SLC35F3: variants seen among roughly 807,000 people sequenced by gnomAD.
The protein encoded by SLC35F3 is solute carrier family 35 member F3, also known as putative thiamine transporter SLC35F3.
In SLC35F3, 25 loss-of-function variants were observed where a neutral mutation model predicts 49.9. That is an observed-to-expected ratio of 0.50 (90% CI 0.37 to 0.70). SLC35F3 has a LOEUF of 0.70. SLC35F3 is among the 30% of genes least tolerant of loss of function. The pLI, the probability that SLC35F3 is intolerant of heterozygous loss-of-function variation, is 0.00. For synonymous variants in SLC35F3, 275 were observed against 265.4 expected (o/e 1.04, Z -0.35); for missense variants, 525 against 639.8 (o/e 0.82, Z 1.94).
chr1:233,923,417 TG>T (rs1186568919), intron 2 of SLC35F3, among the ~76,000 whole-genome samples: 1 of 152,206 alleles, frequency 6.6e-6, no homozygotes, highest in Non-Finnish European at 1.5e-5. Flanking sequence ...CAATTGTGAA[TG>T]GGAGTTCACT....
In SLC35F3 at chr1:234,186,738, G is replaced by C. The variant is rs543866637; in HGVS notation, c.284-44679G>C. 2.3e-4 allele frequency among the ~76,000 whole-genome samples: 35 copies of C among 152,264 alleles called. No homozygotes were observed. The East Asian group carries it at 6.7e-3, about 29-fold the overall frequency. On this transcript the variant is annotated intron_variant, in intron 2 of 7. Transcript: ENST00000366618. ...TGTAGGGACTCCGTAAAGTCAACATGCTGGACCAGGTATCCCATGTACATT... is the reference window on the plus strand; with the variant it reads ...TGTAGGGACTCCGTAAAGTCAACATCCTGGACCAGGTATCCCATGTACATT...
chr1:234,130,668 A>G (rs1275268569), intron 2 of SLC35F3, among the ~76,000 whole-genome samples: 1 of 149,932 alleles, frequency 6.7e-6, no homozygotes, highest in African/African-American at 2.5e-5. Flanking sequence ...AAGACCTCTC[A>G]GTACCAAGTG....
At chr1:234,310,332 C>T (rs1657315065) in intron 4 of SLC35F3, among the ~76,000 whole-genome samples, 1 of 152,216 alleles carries the variant, frequency 6.6e-6, no homozygotes, top group Admixed American at 6.5e-5. Flanking sequence ...GTCCTTCCCT[C>T]ATTGTCCTGG....
chr1:234,112,527 A>G (rs1024275357), intron 2 of SLC35F3, among the ~76,000 whole-genome samples: 1 of 148,776 alleles, frequency 6.7e-6, no homozygotes, highest in Non-Finnish European at 1.5e-5. Flanking sequence ...AATTTTACCC[A>G]ATCTTTTGTG....
chr1:233,908,536 CTTTTTTTTTTTTT>C (rs898041195), intron 2 of SLC35F3, among the ~76,000 whole-genome samples: 18 of 84,880 alleles, frequency 2.1e-4, no homozygotes, highest in Non-Finnish European at 2.7e-4. Context: ...GTAAAGGATT[CTTTTTTTTTTTTT>C]TTTTTTTTTT....
At chr1:234,314,120 G>A (rs1372839502) in intron 4 of SLC35F3, among the ~76,000 whole-genome samples, 1 of 152,186 alleles carries the variant, frequency 6.6e-6, no homozygotes, top group Non-Finnish European at 1.5e-5. Flanking sequence ...GGGACCCCCA[G>A]GAGAAGGCTG....
chr1:234,293,961 G>A (rs919507029), intron 3 of SLC35F3, among the ~76,000 whole-genome samples: 1 of 152,190 alleles, frequency 6.6e-6, no homozygotes, highest in African/African-American at 2.4e-5. Flanking sequence ...CTGTTCATTT[G>A]ATGCTGAATT....
At chr1:234,203,259 C>T (rs967234605) in intron 2 of SLC35F3, among the ~76,000 whole-genome samples, 1 of 152,158 alleles carries the variant, frequency 6.6e-6, no homozygotes, top group African/African-American at 2.4e-5. Flanking sequence ...AAGAGTTTTA[C>T]ATTTTAAAAA....
intron 2 of SLC35F3, among the ~76,000 whole-genome samples, chr1:234,085,826 C>T (rs939190939): frequency 2.5e-4 from 38 of 152,130 alleles, no homozygotes; most frequent in African/African-American, 8.5e-4. Context: ...CATTGTGATT[C>T]GGACTGCTCT....
chr1:234,266,862 T>A (rs1272551523), intron 3 of SLC35F3, among the ~76,000 whole-genome samples: 2 of 148,826 alleles, frequency 1.3e-5, no homozygotes, highest in Non-Finnish European at 3.0e-5. Flanking sequence ...AATGTCCATA[T>A]GAAGCACATG....
At chr1:234,303,121 C>G (rs540664465) in intron 3 of SLC35F3, among the ~76,000 whole-genome samples, 2 of 152,258 alleles carry the variant, frequency 1.3e-5, no homozygotes, top group East Asian at 3.9e-4. Context: ...ACCCCCAACA[C>G]AATAATATCC....
chr1:234,199,324 A>T (rs528996547), intron 2 of SLC35F3, among the ~76,000 whole-genome samples: 4,568 of 152,290 alleles, frequency 0.03, 232 homozygotes, highest in African/African-American at 0.1. Flanking sequence ...AAAGCCCAGA[A>T]GTAAACCCAA....
chr1:234,144,427 T>G (rs1665967704), intron 2 of SLC35F3, among the ~76,000 whole-genome samples: 1 of 152,170 alleles, frequency 6.6e-6, no homozygotes, highest in African/African-American at 2.4e-5. Context: ...GATGGAATGG[T>G]GGTTCCATTT....
At chr1:233,925,703 A>C (rs550306600) in intron 2 of SLC35F3, among the ~76,000 whole-genome samples, 20 of 152,322 alleles carry the variant, frequency 1.3e-4, no homozygotes, top group South Asian at 1.0e-3. Flanking sequence ...TTTGCTCATT[A>C]GTTGATGCAG....
At chr1:234,184,433 A>G in intron 2 of SLC35F3, among the ~76,000 whole-genome samples, 1 of 152,332 alleles carries the variant, frequency 6.6e-6, no homozygotes, top group East Asian at 1.9e-4. Context: ...TGTGAGACCT[A>G]TGACTTTAAT....
intron 2 of SLC35F3, among the ~76,000 whole-genome samples, chr1:233,949,688 C>T (rs1223390220): frequency 1.3e-5 from 2 of 152,114 alleles, no homozygotes; most frequent in Admixed American, 6.5e-5. Flanking sequence ...ATGTTAGGAT[C>T]GCTGGGCAGG....
rs1218533603 is a variant in SLC35F3 at position 234,324,410 on chromosome 1, G to A, written c.*1167G>A. On this transcript the variant is annotated 3_prime_UTR_variant, in exon 8 of 8. Coordinates refer to ENST00000366618, the MANE Select transcript of SLC35F3 (RefSeq NM_173508.4). ...GTAACCATGGAGTCTTCTGTTTCCT[G>A]GGGGAAAGGGGCATTCATGACCTGA... The A allele has an allele frequency of 6.6e-6, 1 of 152,140 alleles. No homozygotes were observed. Among genetic ancestry groups the A allele is most frequent in the East Asian group, 1.9e-4 (1 of 5,198 alleles). 9.4% of individuals were successfully genotyped at this position (152,140 alleles called of 1,614,324 possible).
At chr1:234,283,606 T>C (rs921458247) in intron 3 of SLC35F3, among the ~76,000 whole-genome samples, 2 of 152,226 alleles carry the variant, frequency 1.3e-5, no homozygotes, top group Non-Finnish European at 2.9e-5. Flanking sequence ...TACGGAAAGA[T>C]AGCTGAATTC....
At chr1:234,185,630 A>G (rs1042920468) in intron 2 of SLC35F3, among the ~76,000 whole-genome samples, 7 of 152,036 alleles carry the variant, frequency 4.6e-5, no homozygotes, top group African/African-American at 1.7e-4. Flanking sequence ...CCCTGGGGCC[A>G]CTCTGAAAAG....
Sources: gnomAD v4.1 joint callset for allele counts (sites outside exome capture counted in the v4.1 genomes callset) on GRCh38, gnomAD v4.1.1 for gene constraint, MANE v1.5 for transcripts, NCBI Gene and HGNC (gene_info 2026-07-23, HGNC 2026-07-21) for gene names.